Variants in OSBPL6 observed in about 807,000 individuals in gnomAD.
OSBPL6 encodes the protein oxysterol-binding protein-related protein 6.
Under a neutral mutation model 125.8 loss-of-function variants are expected in OSBPL6, and 49 were observed. The ratio of observed to expected loss-of-function variants is 0.39; its 90% CI spans 0.31 to 0.49. The LOEUF is 0.49. OSBPL6 is among the 20% of genes least tolerant of loss of function. OSBPL6 has a pLI of 0.88. For missense variants in OSBPL6, 986 were observed against 1,135.4 expected (o/e 0.87, Z 1.89); for synonymous variants, 394 against 391.8 (o/e 1.01, Z -0.07).
intron 3 of OSBPL6, among the ~76,000 whole-genome samples, chr2:178,310,012 A>G (rs1236313891): frequency 6.6e-6 from 1 of 152,236 alleles, no homozygotes; most frequent in African/African-American, 2.4e-5. Context: ...GTCCCGAAGT[A>G]AGAACTTTTT....
chr2:178,301,396 A>G (rs2154055348), intron 2 of OSBPL6, among the ~76,000 whole-genome samples: 1 of 152,292 alleles, frequency 6.6e-6, no homozygotes, highest in East Asian at 1.9e-4. Flanking sequence ...TGTAATGGTT[A>G]AGAATGGTAT....
At chr2:178,393,523 C>T (rs910048690) in intron 23 of OSBPL6, among the ~76,000 whole-genome samples, 2 of 152,188 alleles carry the variant, frequency 1.3e-5, no homozygotes, top group Non-Finnish European at 2.9e-5. Context: ...AAAATGCTCT[C>T]AGTTTTGAAT....
chr2:178,384,489 G>T (rs1048139345), intron 18 of OSBPL6, among the ~76,000 whole-genome samples: 3 of 152,176 alleles, frequency 2.0e-5, no homozygotes, highest in African/African-American at 7.2e-5. Context: ...GTCCAGAAAG[G>T]TGGGACAACT....
intron 19 of OSBPL6, among the ~76,000 whole-genome samples, chr2:178,386,634 G>C (rs1280231294): frequency 1.3e-5 from 2 of 151,780 alleles, no homozygotes; most frequent in South Asian, 2.1e-4. Flanking sequence ...TTACCACTTA[G>C]TTAAAACTTA....
At position 178,395,624 on chromosome 2, in the gene OSBPL6, G is replaced by A; in HGVS notation, c.*65G>A. On this transcript the variant is annotated 3_prime_UTR_variant, in exon 25 of 25. Transcript: ENST00000190611. ...TGAATAAATAACTATGCACAATTAT[G>A]TTTCTTATAGCTATGTGTGGTTTCT... 1 of 1,241,156 alleles carries A rather than the reference G, an allele frequency of 8.1e-7. No individual in the cohort carries two copies. Among genetic ancestry groups the A allele is most frequent in the Non-Finnish European group, 1.2e-6 (1 of 856,460 alleles). The allele number at this position is 1,241,156 out of a possible 1,614,324, so 76.9% of individuals were successfully genotyped here.
intron 2 of OSBPL6, among the ~76,000 whole-genome samples, chr2:178,302,088 A>C (rs1686346706): frequency 1.3e-5 from 2 of 152,176 alleles, no homozygotes; most frequent in Admixed American, 1.3e-4. Flanking sequence ...TTTGAACAGC[A>C]AGTTCTAGAA....
intron 1 of OSBPL6, among the ~76,000 whole-genome samples, chr2:178,249,648 A>G (rs977224817): frequency 3.3e-5 from 5 of 152,114 alleles, no homozygotes; most frequent in Non-Finnish European, 7.3e-5. Flanking sequence ...GGTACTCTCT[A>G]TGTAGGCTCA....
At chr2:178,347,593 G>A (rs1690842357) in intron 11 of OSBPL6, among the ~76,000 whole-genome samples, 1 of 152,092 alleles carries the variant, frequency 6.6e-6, no homozygotes, top group African/African-American at 2.4e-5. Flanking sequence ...CCATTCCTTT[G>A]TAAGTATCCT....
At chr2:178,375,451 T>G (rs1190629038) in intron 15 of OSBPL6, among the ~76,000 whole-genome samples, 1 of 152,146 alleles carries the variant, frequency 6.6e-6, no homozygotes, top group East Asian at 1.9e-4. Flanking sequence ...AGACAGAGTT[T>G]CGCTCTTGTT....
chr2:178,395,491 A>G lies in OSBPL6; in HGVS notation c.2737A>G (p.Asn913Asp). The change falls in exon 25 of 25, where the codon AAC becomes GAC. Residue 913 changes from asparagine (N) to aspartate (D), a missense_variant. Asn to Asp is a conservative substitution (Grantham distance 23). Transcript: ENST00000190611. ...CAATCAAAGAGAAGCCTGGGTTTCTAACGACACCTACTGGGAGCTTCGAAA... is the reference window on the plus strand; with the variant it reads ...CAATCAAAGAGAAGCCTGGGTTTCTGACGACACCTACTGGGAGCTTCGAAA... ...DANQREAWVS[N>D]DTYWELRKDP... 1.2e-6 allele frequency: 2 copies of G among 1,613,892 alleles called. No individual in the cohort carries two copies. Among genetic ancestry groups the G allele is most frequent in the Non-Finnish European group, 1.7e-6 (2 of 1,179,830 alleles).
At chr2:178,219,041 A>G (rs1361466888) in intron 1 of OSBPL6, among the ~76,000 whole-genome samples, 3 of 151,500 alleles carry the variant, frequency 2.0e-5, no homozygotes, top group Non-Finnish European at 4.4e-5. Flanking sequence ...TTGTTTCCCT[A>G]CTTACCTGCT....
At chr2:178,224,134 C>T (rs2090454102) in intron 1 of OSBPL6, among the ~76,000 whole-genome samples, 1 of 151,920 alleles carries the variant, frequency 6.6e-6, no homozygotes, top group Admixed American at 6.6e-5. Context: ...TGAGGGGATG[C>T]CATGATCTCA....
At chr2:178,284,673 G>A (rs1382909645) in intron 1 of OSBPL6, among the ~76,000 whole-genome samples, 1 of 152,196 alleles carries the variant, frequency 6.6e-6, no homozygotes, top group Non-Finnish European at 1.5e-5. Context: ...TCACTTGAGA[G>A]TTTTCATACT....
chr2:178,327,761 C>A (rs1688822116), intron 4 of OSBPL6, among the ~76,000 whole-genome samples: 1 of 152,046 alleles, frequency 6.6e-6, no homozygotes, highest in South Asian at 2.1e-4. Flanking sequence ...AGCAAACCTC[C>A]CCGAGAGCAG....
At chr2:178,211,704 T>G (rs533837896) in intron 1 of OSBPL6, among the ~76,000 whole-genome samples, 1 of 152,288 alleles carries the variant, frequency 6.6e-6, no homozygotes, top group South Asian at 2.1e-4. Flanking sequence ...TGTCAGCCAC[T>G]GGCCCCAGTC....
At chr2:178,221,394 G>A (rs1490577917) in intron 1 of OSBPL6, among the ~76,000 whole-genome samples, 1 of 152,158 alleles carries the variant, frequency 6.6e-6, no homozygotes, top group East Asian at 1.9e-4. Context: ...GCATTGTAAA[G>A]ATAATATACA....
chr2:178,349,111 G>T, intron 11 of OSBPL6, 113 bp from the exon 12 acceptor site: 1 of 1,118,288 alleles, frequency 8.9e-7, no homozygotes. Flanking sequence ...GTCTCCAAGT[G>T]TGTTATCAGA....
intron 2 of OSBPL6, among the ~76,000 whole-genome samples, chr2:178,291,041 A>G (rs1269298050): frequency 6.6e-6 from 1 of 152,050 alleles, no homozygotes; most frequent in Non-Finnish European, 1.5e-5. Flanking sequence ...CAGCATGAAA[A>G]CTACTAATTA....
At chr2:178,351,984 A>G (rs563586073) in intron 12 of OSBPL6, among the ~76,000 whole-genome samples, 62 of 152,306 alleles carry the variant, frequency 4.1e-4, no homozygotes, top group African/African-American at 1.2e-3. Flanking sequence ...TTACCCCCAA[A>G]CCTAAAATAA....
Sources: gnomAD v4.1 joint callset for allele counts (sites outside exome capture counted in the v4.1 genomes callset) on GRCh38, gnomAD v4.1.1 for gene constraint, MANE v1.5 for transcripts, NCBI Gene and HGNC (gene_info 2026-07-23, HGNC 2026-07-21) for gene names.